Variants in GNAQ observed in about 807,000 individuals in gnomAD.
GNAQ encodes G protein subunit alpha q, also known as guanine nucleotide-binding protein G(q) subunit alpha.
Under a neutral mutation model 43.9 loss-of-function variants are expected in GNAQ, and 8 were observed. The observed-to-expected ratio is 0.18, with a 90% CI of 0.11 to 0.33. The LOEUF (loss-of-function observed/expected upper bound fraction) is 0.33, where lower values mean the gene tolerates loss of function less well. GNAQ is among the 10% of genes least tolerant of loss of function. The pLI is 1.00. For missense variants in GNAQ, 158 were observed against 450.8 expected, an observed-to-expected ratio of 0.35 and a Z score of 5.88; for synonymous variants, 155 against 170.7, an observed-to-expected ratio of 0.91 and a Z score of 0.71.
intron 2 of GNAQ, among the ~76,000 whole-genome samples, chr9:77,828,746 C>G (rs550115634): frequency 6.6e-6 from 1 of 152,264 alleles, no homozygotes; most frequent in Admixed American, 6.5e-5. Context: ...AAAGATGATA[C>G]AATGACCAGT....
chr9:77,780,278 C>A (rs1432186311), intron 5 of GNAQ, among the ~76,000 whole-genome samples: 2 of 151,888 alleles, frequency 1.3e-5, no homozygotes, highest in Non-Finnish European at 2.9e-5. Flanking sequence ...TCCCCATACC[C>A]TTCTCAGCCT....
intron 1 of GNAQ, among the ~76,000 whole-genome samples, chr9:77,936,960 T>C (rs1315568203): frequency 6.6e-6 from 1 of 152,192 alleles, no homozygotes; most frequent in Non-Finnish European, 1.5e-5. Flanking sequence ...AATGATGAAG[T>C]ATTCTTCTTT....
At chr9:78,000,303 T>A (rs1460980548) in intron 1 of GNAQ, among the ~76,000 whole-genome samples, 1 of 152,160 alleles carries the variant, frequency 6.6e-6, no homozygotes, top group African/African-American at 2.4e-5. Context: ...AGTCCTCTGG[T>A]AAGTAAGCTG....
Position 77,716,682 on chromosome 9 carries a change from AG to A in GNAQ, c.*4640del, listed in dbSNP as rs1825231706. ...CTTTCTGTTTTTTCTGTCTACCAAA[AG>A]CTTATATAAAAGTCAGAATTTCTTT... On this transcript the variant is annotated 3_prime_UTR_variant, in exon 7 of 7. Coordinates refer to ENST00000286548, the MANE Select transcript of GNAQ (RefSeq NM_002072.5). 1 of 232,890 alleles carries A rather than the reference AG, an allele frequency of 4.3e-6. No homozygotes were observed. Among genetic ancestry groups the A allele is most frequent in the South Asian group, 1.8e-4 (1 of 5,532 alleles). 14.4% of individuals were successfully genotyped at this position (232,890 alleles called of 1,614,324 possible).
chr9:77,928,111 A>C (rs2118296062), intron 1 of GNAQ, among the ~76,000 whole-genome samples: 1 of 152,352 alleles, frequency 6.6e-6, no homozygotes, highest in South Asian at 2.1e-4. Flanking sequence ...AGTATTCAAT[A>C]ACACTGAGTC....
chr9:77,759,597 C>T (rs2118323178), intron 5 of GNAQ, among the ~76,000 whole-genome samples: 1 of 152,294 alleles, frequency 6.6e-6, no homozygotes, highest in Non-Finnish European at 1.5e-5. Flanking sequence ...GTCTATGGAA[C>T]AGTGTAGAGT....
intron 2 of GNAQ, among the ~76,000 whole-genome samples, chr9:77,921,671 C>T (rs1828998792): frequency 6.6e-6 from 1 of 152,126 alleles, no homozygotes; most frequent in South Asian, 2.1e-4. Flanking sequence ...ACAGATGGAC[C>T]TATTTTGAAA....
chr9:77,806,360 T>G (rs1342840292), intron 3 of GNAQ, among the ~76,000 whole-genome samples: 1 of 152,240 alleles, frequency 6.6e-6, no homozygotes, highest in Non-Finnish European at 1.5e-5. Flanking sequence ...TTACACATAT[T>G]TATTGGGAAT....
In GNAQ at chr9:77,911,472, T is replaced by C. The variant is rs564974009; in HGVS notation, c.321+10689A>G. Reference sequence around the variant, plus strand: ...CATTAGGCACAAATGAGTAATAATTTTACATACCAGGATTAAAATACTATA... The same window carrying C: ...CATTAGGCACAAATGAGTAATAATTCTACATACCAGGATTAAAATACTATA... On this transcript the variant is annotated intron_variant, in intron 2 of 6. Coordinates refer to ENST00000286548, the MANE Select transcript of GNAQ (RefSeq NM_002072.5). 6.6e-5 allele frequency among the ~76,000 whole-genome samples: 10 copies of C among 152,272 alleles called. No individual in the cohort carries two copies. The East Asian group carries it at 1.9e-3, about 29-fold the overall frequency.
intron 2 of GNAQ, among the ~76,000 whole-genome samples, chr9:77,858,920 G>C (rs930725806): frequency 2.6e-5 from 4 of 151,892 alleles, no homozygotes; most frequent in Non-Finnish European, 5.9e-5. Flanking sequence ...CACTCCTTCC[G>C]TTGGTGCCTC....
At chr9:77,935,945 T>C (rs1251786199) in intron 1 of GNAQ, among the ~76,000 whole-genome samples, 2 of 152,174 alleles carry the variant, frequency 1.3e-5, no homozygotes, top group African/African-American at 2.4e-5. Context: ...CATGGAAATA[T>C]GCCTTCTTCC....
At chr9:77,944,468 GAAACC>G (rs1829359656) in intron 1 of GNAQ, among the ~76,000 whole-genome samples, 1 of 152,040 alleles carries the variant, frequency 6.6e-6, no homozygotes, top group Non-Finnish European at 1.5e-5. Flanking sequence ...CTTTAGACCA[GAAACC>G]AAACCATTCC....
chr9:77,760,776 G>T (rs1233151707), intron 5 of GNAQ, among the ~76,000 whole-genome samples: 3 of 150,770 alleles, frequency 2.0e-5, no homozygotes, highest in Non-Finnish European at 4.4e-5. Context: ...GCCTCTTCCC[G>T]GCCGCCATCC....
At chr9:77,982,242 A>G (rs1183247730) in intron 1 of GNAQ, among the ~76,000 whole-genome samples, 2 of 152,234 alleles carry the variant, frequency 1.3e-5, no homozygotes, top group African/African-American at 4.8e-5. Flanking sequence ...ATAAAAAAGA[A>G]ATGATTCTGG....
chr9:77,776,379 CAGA>C (rs1337789208), intron 5 of GNAQ, among the ~76,000 whole-genome samples: 1 of 152,166 alleles, frequency 6.6e-6, no homozygotes, highest in Non-Finnish European at 1.5e-5. Context: ...AGAAAAAGGA[CAGA>C]AGATGACGTA....
At chr9:77,765,192 A>C (rs919483025) in intron 5 of GNAQ, among the ~76,000 whole-genome samples, 3 of 152,196 alleles carry the variant, frequency 2.0e-5, no homozygotes, top group Non-Finnish European at 4.4e-5. Context: ...AAGGAAAGCT[A>C]AAGGACATTC....
At chr9:77,762,714 G>C (rs1321548914) in intron 5 of GNAQ, among the ~76,000 whole-genome samples, 4 of 152,098 alleles carry the variant, frequency 2.6e-5, no homozygotes, top group African/African-American at 4.8e-5. Flanking sequence ...TGTGTGGAAA[G>C]AAGTAGACAT....
chr9:77,878,902 C>T (rs376465002), intron 2 of GNAQ, among the ~76,000 whole-genome samples: 7 of 151,790 alleles, frequency 4.6e-5, no homozygotes, highest in African/African-American at 9.7e-5. Context: ...AAAAATTAGT[C>T]GAGCGTGGTG....
chr9:77,956,081 T>C (rs1823037276), intron 1 of GNAQ, among the ~76,000 whole-genome samples: 1 of 152,218 alleles, frequency 6.6e-6, no homozygotes, highest in African/African-American at 2.4e-5. Flanking sequence ...TGTTATGAAA[T>C]AGTAATAGCA....
Sources: allele counts gnomAD v4.1 joint callset (sites outside exome capture counted in the v4.1 genomes callset), GRCh38; gene constraint gnomAD v4.1.1; transcripts MANE v1.5; gene names NCBI Gene and HGNC (gene_info 2026-07-23, HGNC 2026-07-21).